The following GALNT7 variants were observed in gnomAD, a reference collection of about 807,000 sequenced individuals.
GALNT7 encodes polypeptide N-acetylgalactosaminyltransferase 7.
In GALNT7, 60 loss-of-function variants were observed where a neutral mutation model predicts 82.1. That is an observed-to-expected ratio of 0.73 (90% CI 0.59 to 0.91). GALNT7 has a LOEUF of 0.91. Among genes scored for constraint, GALNT7 ranks in the 40% least tolerant of loss-of-function variants. The probability of loss-of-function intolerance (pLI) is 0.00; values close to 1 mark genes in which losing one functional copy is unlikely to be tolerated. For synonymous variants in GALNT7, 243 were observed against 275.1 expected, an observed-to-expected ratio of 0.88 and a Z score of 1.15; for missense variants, 660 against 804.2, an observed-to-expected ratio of 0.82 and a Z score of 2.17.
intron 11 of GALNT7, among the ~76,000 whole-genome samples, chr4:173,321,285 G>A (rs1737805495): frequency 6.6e-6 from 1 of 152,158 alleles, no homozygotes; most frequent in Non-Finnish European, 1.5e-5. Context: ...AGCCAGGATA[G>A]GAACAAGAGA....
At chr4:173,295,628 G>T in intron 4 of GALNT7, 102 bp downstream of exon 4, 1 of 1,273,236 alleles carries the variant, frequency 7.9e-7, no homozygotes, top group Non-Finnish European at 1.1e-6. Flanking sequence ...AAATGAGAAT[G>T]CTGGCTTAAA....
intron 2 of GALNT7, among the ~76,000 whole-genome samples, chr4:173,280,566 TG>T (rs1365448809): frequency 7.6e-4 from 115 of 152,232 alleles, no homozygotes; most frequent in African/African-American, 2.7e-3. Flanking sequence ...GCCTGTAATC[TG>T]AATGTGAGTA....
chr4:173,202,857 G>C (rs1732982139), intron 1 of GALNT7, among the ~76,000 whole-genome samples: 1 of 151,996 alleles, frequency 6.6e-6, no homozygotes, highest in South Asian at 2.1e-4. Flanking sequence ...CTAATGTTAA[G>C]TGCATATATA....
rs1387987039 is a variant in GALNT7, at chr4:173,322,751, C to T, written c.*1034C>T. 1.3e-5 allele frequency: 2 copies of T among 152,168 alleles called. No individual in the cohort carries two copies. Among genetic ancestry groups the T allele is most frequent in the South Asian group, 2.1e-4 (1 of 4,834 alleles). 9.4% of individuals were successfully genotyped at this position (152,168 alleles called of 1,614,324 possible). ...CCTTGTTAGATTAGGCCTTATAAAA[C>T]TTGTGTGCATTATAACCTAAGCTGT... On this transcript the variant is annotated 3_prime_UTR_variant, in exon 12 of 12. Transcript: ENST00000265000.
intron 8 of GALNT7, among the ~76,000 whole-genome samples, chr4:173,308,936 ACT>A (rs1357395829): frequency 6.6e-6 from 1 of 152,042 alleles, no homozygotes; most frequent in Non-Finnish European, 1.5e-5. Context: ...AATCCCACTG[ACT>A]CTTTTCATTG....
At chr4:173,227,895 C>T (rs7694420) in intron 1 of GALNT7, among the ~76,000 whole-genome samples, 136,917 of 152,132 alleles carry the variant, frequency 0.9, 62,990 homozygotes, top group Non-Finnish European at 1. Flanking sequence ...AAGTGAAAAA[C>T]ATTGCTAGCT....
intron 1 of GALNT7, among the ~76,000 whole-genome samples, chr4:173,243,097 G>A (rs1033641069): frequency 6.6e-6 from 1 of 152,136 alleles, no homozygotes; most frequent in Non-Finnish European, 1.5e-5. Flanking sequence ...ATCATTAAAA[G>A]CTTAGTTTTC....
chr4:173,277,351 C>T lies in GALNT7; in HGVS notation c.588-14757C>T, dbSNP rs77153906. Among the ~76,000 whole-genome samples the T allele has an allele frequency of 6.7e-4, 102 of 152,336 alleles. 1 individual carries two copies. Among genetic ancestry groups the T allele is most frequent in the Admixed American group, 2.2e-3 (34 of 15,306 alleles). On this transcript the variant is annotated intron_variant, in intron 2 of 11. Coordinates refer to ENST00000265000, the MANE Select transcript of GALNT7 (RefSeq NM_017423.3). ...AACTAAAGTCACATGCTCTGTCTTT[C>T]TCAGAGTTCATGAATTCTCATCTCT...
Position 173,321,639 on chromosome 4 carries a change from G to C in GALNT7, c.1896G>C (p.Leu632=), listed in dbSNP as rs1167969310. ...SGKCLDRSEV[L]HQVFISNCDS... ...AGTGTTTAGATCGCTCAGAGGTCCT[G>C]CATCAAGTATTCATCTCCAATTGTG... Residue 632 remains leucine (L), a synonymous_variant, in exon 12 of 12, where the codon CTG becomes CTC. Coordinates refer to ENST00000265000, the MANE Select transcript of GALNT7 (RefSeq NM_017423.3). The C allele has an allele frequency of 3.1e-6, 5 of 1,601,260 alleles. No individual in the cohort carries two copies. In the Admixed American group the frequency reaches 5.0e-5, roughly 16 times the overall value.
intron 1 of GALNT7, among the ~76,000 whole-genome samples, chr4:173,205,428 G>T (rs1182879371): frequency 6.6e-6 from 1 of 152,152 alleles, no homozygotes; most frequent in African/African-American, 2.4e-5. Context: ...CTGCTGGGCT[G>T]GGCCTGGACC....
chr4:173,242,966 A>C (rs2126729405), intron 1 of GALNT7, among the ~76,000 whole-genome samples: 1 of 152,312 alleles, frequency 6.6e-6, no homozygotes, highest in Non-Finnish European at 1.5e-5. Flanking sequence ...GGCTTGTTAT[A>C]CCTTTAAATT....
chr4:173,203,096 A>C (rs1167249440), intron 1 of GALNT7, among the ~76,000 whole-genome samples: 2 of 149,894 alleles, frequency 1.3e-5, no homozygotes, highest in Non-Finnish European at 3.0e-5. Context: ...AGCAATAGTT[A>C]GGTCTTGTTT....
rs2126849264 is a variant in GALNT7 at position 173,302,803 on chromosome 4, A to G, written c.1266+639A>G. ...TGTGCGTAGCACTGTGAGGGATAGAAGAGGAGTAAACCAGTTGTTGCTCTC... is the reference window on the plus strand; with the variant it reads ...TGTGCGTAGCACTGTGAGGGATAGAGGAGGAGTAAACCAGTTGTTGCTCTC... On this transcript the variant is annotated intron_variant, in intron 7 of 11. Coordinates refer to ENST00000265000, the MANE Select transcript of GALNT7 (RefSeq NM_017423.3). The surrounding 1 kb of genome is among the most constrained non-coding windows in gnomAD (Gnocchi z 4.2). Among the ~76,000 whole-genome samples, 1 of 152,390 alleles carries G rather than the reference A, an allele frequency of 6.6e-6. No homozygotes were observed. The highest frequency in any genetic ancestry group is 1.9e-4 in the East Asian group (1 of 5,196).
intron 1 of GALNT7, among the ~76,000 whole-genome samples, chr4:173,214,455 C>T (rs1411644456): frequency 6.6e-6 from 1 of 152,104 alleles, no homozygotes; most frequent in East Asian, 1.9e-4. Context: ...ACTAGCCTGC[C>T]CGCTGGGACA....
chr4:173,192,526 CCAAA>C (rs1276135682), intron 1 of GALNT7, among the ~76,000 whole-genome samples: 2 of 152,184 alleles, frequency 1.3e-5, no homozygotes, highest in African/African-American at 4.8e-5. Context: ...ATCAGAATCA[CCAAA>C]CAATGAAAGA....
Position 173,168,939 on chromosome 4 carries a change from C to G in GALNT7, c.104C>G (p.Pro35Arg). The change falls in exon 1 of 12, where the codon CCA (proline) becomes CGA (arginine). Residue 35 changes from proline to arginine, a missense_variant. Around this residue, in one of 2 missense-constraint regions of GALNT7, gnomAD observed 133 missense variants for 120.7 expected, o/e 1.10. Transcript: ENST00000265000. ...TCCCTGACCCCGCGGCCGGACGACC[C>G]AAGCCCGCTGAGCAGGATGAGGGTG... The part of the protein sequence containing the change: ...WSSLTPRPDD[P>R]SPLSRMREDR... 6.2e-7 allele frequency: 1 copy of G among 1,613,664 alleles called. No homozygotes were observed.
chr4:173,307,686 G>A (rs774315414), intron 8 of GALNT7, among the ~76,000 whole-genome samples: 5 of 152,210 alleles, frequency 3.3e-5, no homozygotes, highest in South Asian at 2.1e-4. Context: ...CAATAAAGGC[G>A]TGGCTCTGAG....
chr4:173,228,358 A>G (rs926303109), intron 1 of GALNT7, among the ~76,000 whole-genome samples: 12 of 150,028 alleles, frequency 8.0e-5, no homozygotes, highest in Admixed American at 8.0e-4. Context: ...AACAGTATGT[A>G]TATTCAATGT....
intron 1 of GALNT7, among the ~76,000 whole-genome samples, chr4:173,177,247 C>A (rs1375466718): frequency 2.0e-5 from 3 of 152,098 alleles, no homozygotes. Flanking sequence ...GCTGCTGGTC[C>A]AGGGATCATG....
Sources: allele counts gnomAD v4.1 joint callset (sites outside exome capture counted in the v4.1 genomes callset), GRCh38; gene constraint gnomAD v4.1.1; regional missense constraint gnomAD v4.1.1; non-coding constraint Gnocchi (gnomAD v3.1); transcripts MANE v1.5; gene names NCBI Gene and HGNC (gene_info 2026-07-23, HGNC 2026-07-21).